Variants in QKI observed in about 807,000 individuals in gnomAD.
QKI encodes QKI, KH domain containing RNA binding, also known as KH domain-containing RNA-binding protein QKI.
QKI carries 10 observed loss-of-function variants against 39.0 expected under a neutral mutation model. The observed-to-expected ratio is 0.26, with a 90% CI of 0.16 to 0.43. QKI has a LOEUF of 0.43. QKI is among the 20% of genes least tolerant of loss of function. The pLI is 1.00. For missense variants in QKI, 218 were observed against 428.0 expected (o/e 0.51, Z 4.33); for synonymous variants, 204 against 155.4 (o/e 1.31, Z -2.33).
intron 2 of QKI, among the ~76,000 whole-genome samples, chr6:163,468,574 G>A (rs1223297121): frequency 3.3e-5 from 5 of 152,166 alleles, no homozygotes; most frequent in African/African-American, 9.7e-5. Context: ...GCAATGAACA[G>A]CATTAGACAT....
Position 163,565,957 on chromosome 6 carries a change from C to G in QKI, c.935-764C>G, listed in dbSNP as rs781024402. Reference sequence around the variant, plus strand: ...CCTTTTATCTTTAGGTATGGCTTTCCCAACGAAAGGCTAAGAATTCAAGAA... The same window carrying G: ...CCTTTTATCTTTAGGTATGGCTTTCGCAACGAAAGGCTAAGAATTCAAGAA... On this transcript the variant is annotated intron_variant, in intron 6 of 7. Transcript: ENST00000361752. 4 of 1,612,938 alleles carry G rather than the reference C, an allele frequency of 2.5e-6. No individual in the cohort carries two copies. The South Asian group carries it at 4.4e-5, about 18-fold the overall frequency.
intron 2 of QKI, among the ~76,000 whole-genome samples, chr6:163,461,109 A>G (rs1280288802): frequency 1.3e-5 from 2 of 152,202 alleles, no homozygotes; most frequent in Non-Finnish European, 2.9e-5. Context: ...TATAAGTTCA[A>G]CTAGATCGGT....
At chr6:163,464,621 A>G (rs1791592341) in intron 2 of QKI, among the ~76,000 whole-genome samples, 1 of 152,186 alleles carries the variant, frequency 6.6e-6, no homozygotes, top group African/African-American at 2.4e-5. Context: ...CATACAACCT[A>G]TCAGGACCAC....
intron 3 of QKI, among the ~76,000 whole-genome samples, chr6:163,525,423 GTC>G (rs1780441469): frequency 1.4e-5 from 2 of 144,786 alleles, no homozygotes; most frequent in African/African-American, 5.2e-5. Flanking sequence ...CAGTGGCACA[GTC>G]TTGCCTCACT....
intron 3 of QKI, among the ~76,000 whole-genome samples, chr6:163,514,793 A>C (rs561853933): frequency 7.6e-4 from 115 of 152,300 alleles, no homozygotes; most frequent in African/African-American, 2.7e-3. Context: ...AGAGCAAAAA[A>C]CTCAACCACT....
intron 7 of QKI, 58 bp from the exon 8 acceptor site, chr6:163,570,631 ATCTCT>A (rs1783649208): frequency 1.9e-6 from 3 of 1,595,724 alleles, no homozygotes; most frequent in South Asian, 1.1e-5. Flanking sequence ...GCTGAAACTA[ATCTCT>A]TCTCTATCTT....
In QKI at chr6:163,570,871, G is replaced by C; in HGVS notation, c.*161G>C. On this transcript the variant is annotated 3_prime_UTR_variant, in exon 8 of 8. Transcript: ENST00000361752. ...ACCATCTAACCAAACAAAAGACAAA[G>C]AAATTGTTGTCCTCCAACTCAGCTT... 1.3e-6 allele frequency: 1 copy of C among 783,732 alleles called. No individual in the cohort carries two copies. The highest frequency in any genetic ancestry group is 1.9e-6 in the Non-Finnish European group (1 of 536,160). The allele number at this position is 783,732 out of a possible 1,614,324, so 48.5% of individuals were successfully genotyped here.
intron 4 of QKI, among the ~76,000 whole-genome samples, chr6:163,538,998 A>G (rs1781359929): frequency 1.3e-5 from 2 of 152,238 alleles, no homozygotes; most frequent in Admixed American, 1.3e-4. Flanking sequence ...TAGGTGAGAA[A>G]GTGGAACCTA....
At chr6:163,508,535 T>TC (rs1403326683) in intron 3 of QKI, among the ~76,000 whole-genome samples, 4 of 141,232 alleles carry the variant, frequency 2.8e-5, no homozygotes, top group Non-Finnish European at 4.6e-5. Flanking sequence ...TTTCTTTCTT[T>TC]TTTTTTTTTT....
At position 163,541,092 on chromosome 6, in the gene QKI, A is replaced by C. The variant is rs76418294; in HGVS notation, c.546+5967A>C. On this transcript the variant is annotated intron_variant, in intron 4 of 7. Transcript: ENST00000361752. ...TTGAGACCTGTCTTTTGTACTTCTG[A>C]GACTTTTCTTTTAAGGACATACATT... Among the ~76,000 whole-genome samples the C allele has an allele frequency of 4.6e-3, 698 of 152,082 alleles. 3 individuals are homozygous for C. Among genetic ancestry groups the C allele is most frequent in the African/African-American group, 0.013 (521 of 41,546 alleles).
chr6:163,494,820 AAATACTT>A (rs1481444536), intron 3 of QKI, among the ~76,000 whole-genome samples: 3 of 152,124 alleles, frequency 2.0e-5, no homozygotes, highest in African/African-American at 7.2e-5. Flanking sequence ...CTTATGGAGA[AAATACTT>A]ATGTTAGAGA....
chr6:163,464,165 G>A (rs146089634), intron 2 of QKI, among the ~76,000 whole-genome samples: 145 of 152,170 alleles, frequency 9.5e-4, no homozygotes, highest in African/African-American at 3.3e-3. Flanking sequence ...CTCGCTCTTA[G>A]TCTTTTATTT....
At chr6:163,543,513 C>A (rs973659320) in intron 4 of QKI, among the ~76,000 whole-genome samples, 2 of 152,014 alleles carry the variant, frequency 1.3e-5, no homozygotes, top group Non-Finnish European at 2.9e-5. Flanking sequence ...GGTTTAGCTG[C>A]AGGATAAAAG....
At position 163,563,416 on chromosome 6, in the gene QKI, G is replaced by T; in HGVS notation, c.635-4G>T. ...TTCTTTCTAAATTTCTTTGCTTACT[G>T]TAGCAGCCCTTGCCTTTTCTCTTGC... is the stretch of plus-strand genomic sequence containing the variant. On this transcript the variant is annotated splice_region_variant and splice_polypyrimidine_tract_variant and intron_variant, in intron 5 of 7. Transcript: ENST00000361752. 6.3e-7 allele frequency: 1 copy of T among 1,591,030 alleles called. No individual in the cohort carries two copies. The highest frequency in any genetic ancestry group is 8.6e-7 in the Non-Finnish European group (1 of 1,167,458).
At chr6:163,561,338 G>GAGCCACT (rs1295220495) in intron 4 of QKI, among the ~76,000 whole-genome samples, 1 of 152,170 alleles carries the variant, frequency 6.6e-6, no homozygotes, top group Admixed American at 6.5e-5. Context: ...TGGGTGCAGT[G>GAGCCACT]GCTCACACTT....
chr6:163,458,103 CAG>C (rs1316386704), intron 2 of QKI, among the ~76,000 whole-genome samples: 1 of 152,068 alleles, frequency 6.6e-6, no homozygotes, highest in Non-Finnish European at 1.5e-5. Flanking sequence ...AGAGTTAGCA[CAG>C]GGGCAGTGTC....
At chr6:163,564,588 CAT>C (rs1554279967) in intron 6 of QKI, 4 of 1,603,902 alleles carry the variant, frequency 2.5e-6, no homozygotes, top group Non-Finnish European at 3.4e-6. Flanking sequence ...AAATTAAAAT[CAT>C]AATATAAACG....
intron 1 of QKI, among the ~76,000 whole-genome samples, chr6:163,453,872 T>C (rs1434053280): frequency 1.3e-5 from 2 of 152,182 alleles, no homozygotes; most frequent in African/African-American, 4.8e-5. Context: ...CCTTTTTTAA[T>C]TGATTAAGAT....
chr6:163,551,035 T>C (rs1273301425), intron 4 of QKI, among the ~76,000 whole-genome samples: 1 of 152,136 alleles, frequency 6.6e-6, no homozygotes, highest in Non-Finnish European at 1.5e-5. Flanking sequence ...GAATGTTATC[T>C]AATTCATTGA....
Sources: gnomAD v4.1 joint callset for allele counts (sites outside exome capture counted in the v4.1 genomes callset) on GRCh38, gnomAD v4.1.1 for gene constraint, MANE v1.5 for transcripts, NCBI Gene and HGNC (gene_info 2026-07-23, HGNC 2026-07-21) for gene names.